The following GSDME variants were observed in gnomAD, a reference collection of about 807,000 sequenced individuals.
GSDME encodes the protein gasdermin E.
Under a neutral mutation model 47.5 loss-of-function variants are expected in GSDME, and 44 were observed. That is an observed-to-expected ratio of 0.93 (90% CI 0.73 to 1.19). The LOEUF (loss-of-function observed/expected upper bound fraction) is 1.19, where lower values mean the gene tolerates loss of function less well. Ranked by LOEUF, GSDME falls within the 50% of genes most tolerant of loss-of-function variation. GSDME has a pLI of 0.00. For synonymous variants in GSDME, 258 were observed against 252.8 expected, an observed-to-expected ratio of 1.02 and a Z score of -0.20; for missense variants, 663 against 604.2, an observed-to-expected ratio of 1.10 and a Z score of -1.02.
At chr7:24,775,548 C>T in the GSDME span, among the ~76,000 whole-genome samples, 1 of 152,108 alleles carries the variant, frequency 6.6e-6, no homozygotes, top group Non-Finnish European at 1.5e-5. Context: ...CCTTCCCTAC[C>T]TGCCTGCCCC....
chr7:24,720,395 T>G (rs983883477), intron 3 of GSDME, among the ~76,000 whole-genome samples: 3 of 152,146 alleles, frequency 2.0e-5, no homozygotes, highest in African/African-American at 7.2e-5. Context: ...CTTGAAAAGC[T>G]CAGCACCCAT....
Position 24,749,588 on chromosome 7 carries a change from T to C in GSDME, c.187A>G (p.Ile63Val). The C allele has an allele frequency of 6.2e-7, 1 of 1,613,580 alleles. No individual in the cohort carries two copies. The highest frequency in any genetic ancestry group is 8.5e-7 in the Non-Finnish European group (1 of 1,179,694). Reference protein sequence around the residue: ...FLSLTLGDVLIEDQFPSPVVV... With the variant: ...FLSLTLGDVLVEDQFPSPVVV... ...CCTGGACTCGGAAATTGGTCTTCTA[T>C]GAGTACATCGCCAAGGGTGAGGGAT... Residue 63 changes from isoleucine (I) to valine (V), a missense_variant, in exon 2 of 10, where the codon ATA (isoleucine) becomes GTA (valine). Transcript: ENST00000645220.
the GSDME span, among the ~76,000 whole-genome samples, chr7:24,783,240 G>T: frequency 2.0e-5 from 3 of 152,196 alleles, no homozygotes; most frequent in Admixed American, 6.5e-5. Flanking sequence ...AGAACTGCTG[G>T]CTTAGAGGCT....
chr7:24,731,540 G>A (rs1281055054), intron 3 of GSDME, among the ~76,000 whole-genome samples: 1 of 152,210 alleles, frequency 6.6e-6, no homozygotes, highest in Non-Finnish European at 1.5e-5. Context: ...CAGCTCTGTG[G>A]CTCCCTGTCT....
chr7:24,788,020 G>C, the GSDME span, among the ~76,000 whole-genome samples: 9 of 152,128 alleles, frequency 5.9e-5, no homozygotes, highest in Non-Finnish European at 1.0e-4. The surrounding 1 kb of genome is among the most constrained non-coding windows in gnomAD (Gnocchi z 4.6). Flanking sequence ...TTTTTTAAAA[G>C]CACAGTTGAT....
At chr7:24,699,571 C>T (rs1661858913) in intron 9 of GSDME, among the ~76,000 whole-genome samples, 1 of 152,166 alleles carries the variant, frequency 6.6e-6, no homozygotes, top group Non-Finnish European at 1.5e-5. Flanking sequence ...AATTCCTGAC[C>T]TCAGGTGATC....
rs1790525357 is a variant in GSDME, at chr7:24,742,533, C to G, written c.404+2029G>C. Among the ~76,000 whole-genome samples the G allele has an allele frequency of 6.6e-6, 1 of 152,222 alleles. No homozygotes were observed. Among genetic ancestry groups the G allele is most frequent in the South Asian group, 2.1e-4 (1 of 4,826 alleles). ...GGCTTCTTTCTCTCCGGAATGTTTT[C>G]TCCCATCTCTTCTCAGTGAGCCTCC... On this transcript the variant is annotated intron_variant, in intron 3 of 9. Transcript: ENST00000645220. The surrounding 1 kb of genome is among the most constrained non-coding windows in gnomAD (Gnocchi z 4.4).
In GSDME at chr7:24,710,252, C is replaced by G; in HGVS notation, c.834G>C (p.Gln278His). The stretch of plus-strand genomic sequence containing the variant: ...GCTTTAAAACACTTAATGGTCCATC[C>G]TGGGAAGATATCCCATGCGCAGCAT... The part of the protein sequence containing the change: ...MPDAAHGISS[Q>H]DGPLSVLKQA... Residue 278 changes from glutamine (Q) to histidine (H), a missense_variant, in exon 6 of 10, where the codon CAG (glutamine) becomes CAC (histidine). Gln to His is a conservative substitution (Grantham distance 24). Coordinates refer to ENST00000645220, the MANE Select transcript of GSDME (RefSeq NM_001127453.2). 1 of 1,614,138 alleles carries G rather than the reference C, an allele frequency of 6.2e-7. No individual in the cohort carries two copies. Among genetic ancestry groups the G allele is most frequent in the Non-Finnish European group, 8.5e-7 (1 of 1,180,040 alleles).
chr7:24,705,735 A>G lies in GSDME; in HGVS notation c.1183+449T>C. ...CATTGGATGGTTGAATGCTCTCCACAGCCCCCTTGCCCCAGACAGGAGCAC... is the reference window on the plus strand; with the variant it reads ...CATTGGATGGTTGAATGCTCTCCACGGCCCCCTTGCCCCAGACAGGAGCAC... On this transcript the variant is annotated intron_variant, in intron 8 of 9. Transcript: ENST00000645220. The surrounding 1 kb of genome is among the most constrained non-coding windows in gnomAD (Gnocchi z 4.1). 1 of 313,680 alleles carries G rather than the reference A, an allele frequency of 3.2e-6. No homozygotes were observed. Among genetic ancestry groups the G allele is most frequent in the Non-Finnish European group, 6.2e-6 (1 of 161,332 alleles). The allele number at this position is 313,680 out of a possible 1,614,324, so 19.4% of individuals were successfully genotyped here. A position where few individuals can be genotyped will look rare whatever the true frequency, so the allele number is the denominator to read the frequency against.
the GSDME span, among the ~76,000 whole-genome samples, chr7:24,788,523 G>A: frequency 6.6e-6 from 1 of 152,124 alleles, no homozygotes; most frequent in Non-Finnish European, 1.5e-5. The surrounding 1 kb of genome is among the most constrained non-coding windows in gnomAD (Gnocchi z 4.6). Context: ...CATCTGAGTT[G>A]GATTCTGTTT....
intron 3 of GSDME, among the ~76,000 whole-genome samples, chr7:24,722,409 A>G (rs1329803253): frequency 1.3e-5 from 2 of 152,244 alleles, no homozygotes; most frequent in Non-Finnish European, 2.9e-5. Flanking sequence ...GATAAAAGCC[A>G]TTGTAACCAC....
At chr7:24,700,345 C>T (rs550886936) in intron 9 of GSDME, among the ~76,000 whole-genome samples, 26 of 152,090 alleles carry the variant, frequency 1.7e-4, no homozygotes, top group African/African-American at 5.8e-4. Flanking sequence ...TTGATCTGTA[C>T]CCGTAATATT....
At chr7:24,749,514 A>G (rs2128065727) in intron 2 of GSDME, 50 bp downstream of exon 2, 3 of 1,388,230 alleles carry the variant, frequency 2.2e-6, no homozygotes, top group Non-Finnish European at 2.0e-6. Context: ...AAAAAAAAAA[A>G]GGATCATCCT....
At chr7:24,752,379 C>T (rs2248146) in intron 1 of GSDME, among the ~76,000 whole-genome samples, 71,125 of 152,120 alleles carry the variant, frequency 0.47, 19,502 homozygotes, top group African/African-American at 0.77. Context: ...GCAGGTGCCA[C>T]TGGAGGATCT....
Position 24,742,255 on chromosome 7 carries a change from GA to G in GSDME, c.404+2306del, listed in dbSNP as rs758906853. On this transcript the variant is annotated intron_variant, in intron 3 of 9. Transcript: ENST00000645220. This position sits in a 1 kb window ranked among gnomAD's most constrained non-coding sequence, Gnocchi z 4.4. Reference sequence around the variant, plus strand: ...TTTAAGACTTTTACATGATTTAGAGGAAAGAACAGGAGCTTTGGAGCCAGAA... The same window carrying G: ...TTTAAGACTTTTACATGATTTAGAGGAAGAACAGGAGCTTTGGAGCCAGAA... Among the ~76,000 whole-genome samples, 1 of 152,162 alleles carries G rather than the reference GA, an allele frequency of 6.6e-6. No individual in the cohort carries two copies.
Position 24,735,958 on chromosome 7 carries a change from TA to T in GSDME, c.404+8603del, listed in dbSNP as rs887420966. Among the ~76,000 whole-genome samples the T allele has an allele frequency of 3.2e-4, 49 of 152,166 alleles. No individual in the cohort carries two copies. Among genetic ancestry groups the T allele is most frequent in the Admixed American group, 2.8e-3 (43 of 15,280 alleles). On this transcript the variant is annotated intron_variant, in intron 3 of 9. Transcript: ENST00000645220. This position sits in a 1 kb window ranked among gnomAD's most constrained non-coding sequence, Gnocchi z 4.4. Reference sequence around the variant, plus strand: ...TAGCAGTGTTAAGTTGTTATCAGCTTAAAATAATGGGTTACAATAATGGGAT... The same window carrying T: ...TAGCAGTGTTAAGTTGTTATCAGCTTAAATAATGGGTTACAATAATGGGAT...
rs1790287786 is a variant in GSDME at position 24,735,801 on chromosome 7, AAAT to A, written c.404+8758_404+8760del. On this transcript the variant is annotated intron_variant, in intron 3 of 9. Transcript: ENST00000645220. This position sits in a 1 kb window ranked among gnomAD's most constrained non-coding sequence, Gnocchi z 4.4. ...TAAATAAATAAATAAATAAATAAAT[AAAT>A]AAAACTACAAAAACTTTTCAAGACA... is the stretch of plus-strand genomic sequence containing the variant. Among the ~76,000 whole-genome samples the A allele has an allele frequency of 1.4e-5, 2 of 146,204 alleles. No homozygotes were observed. Among genetic ancestry groups the A allele is most frequent in the Non-Finnish European group, 3.0e-5 (2 of 66,526 alleles).
At chr7:24,701,517 A>T (rs1428017629) in intron 9 of GSDME, among the ~76,000 whole-genome samples, 1 of 152,152 alleles carries the variant, frequency 6.6e-6, no homozygotes, top group Non-Finnish European at 1.5e-5. Context: ...TTTTCTTTTT[A>T]TTTGCTTCAG....
At chr7:24,706,493 C>A in intron 7 of GSDME, 117 bp from the exon 8 acceptor site, 4 of 937,906 alleles carry the variant, frequency 4.3e-6, no homozygotes, top group Non-Finnish European at 6.4e-6. Context: ...GAGGAAAGTA[C>A]GACCCGCAGC....
Sources: gnomAD v4.1 joint callset for allele counts (sites outside exome capture counted in the v4.1 genomes callset) on GRCh38, gnomAD v4.1.1 for gene constraint, Gnocchi (gnomAD v3.1) non-coding constraint, MANE v1.5 for transcripts, NCBI Gene and HGNC (gene_info 2026-07-23, HGNC 2026-07-21) for gene names.